Variants in HUWE1 observed in about 807,000 individuals in gnomAD.
HUWE1 encodes HECT, UBA and WWE domain containing E3 ubiquitin protein ligase 1.
Under a neutral mutation model 299.4 loss-of-function variants are expected in HUWE1, and 18 were observed. The observed-to-expected ratio is 0.06, with a 90% CI of 0.04 to 0.09. The LOEUF (loss-of-function observed/expected upper bound fraction) is 0.09. HUWE1 is among the 10% of genes least tolerant of loss of function. HUWE1 has a pLI of 1.00. For missense variants in HUWE1, 1,832 were observed against 3,462.3 expected (o/e 0.53, Z 11.82); for synonymous variants, 1,317 against 1,286.1 (o/e 1.02, Z -0.51).
intron 60 of HUWE1, among the ~76,000 whole-genome samples, chrX:53,556,802 G>A (rs2062040954): frequency 8.9e-6 from 1 of 112,280 alleles, no homozygotes; most frequent in Admixed American, 9.4e-5. Context: ...GTTTAGCCAT[G>A]TAAGAAAAAA....
intron 52 of HUWE1, 110 bp downstream of exon 52, chrX:53,563,636 C>G (rs1269529662): frequency 2.4e-6 from 2 of 848,832 alleles, no homozygotes; most frequent in South Asian, 2.1e-5. Flanking sequence ...GCGATCTAGG[C>G]TGGCTATGAG....
rs180806554 is a variant in HUWE1, at chrX:53,641,840, C to T, written c.504+3471G>A. ...AAGTCTTCCCATTTAAAAAATGTTA[C>T]TTGTCTCTATTTAGACCATCTTTTA... is the stretch of plus-strand genomic sequence containing the variant. On this transcript the variant is annotated intron_variant, in intron 7 of 83. Transcript: ENST00000262854. Among the ~76,000 whole-genome samples the T allele has an allele frequency of 3.6e-5, 4 of 111,820 alleles. No homozygotes were observed. In the Admixed American group the frequency reaches 3.8e-4, roughly 11 times the overall value.
intron 21 of HUWE1, among the ~76,000 whole-genome samples, chrX:53,616,689 T>C (rs1001685406): frequency 1.8e-5 from 2 of 111,708 alleles, no homozygotes; most frequent in South Asian, 3.8e-4. Flanking sequence ...ATATTTCTCA[T>C]TGCTGCAGAC....
At chrX:53,533,812 G>A (rs782746212) in intron 83 of HUWE1, 195 bp downstream of exon 83, 15 of 481,901 alleles carry the variant, frequency 3.1e-5, no homozygotes, top group Non-Finnish European at 5.2e-5. Flanking sequence ...TTACCTGACA[G>A]TGTCTCCCCA....
chrX:53,621,051 T>A (rs2066118661), intron 19 of HUWE1, among the ~76,000 whole-genome samples: 1 of 111,735 alleles, frequency 8.9e-6, no homozygotes, highest in Non-Finnish European at 1.9e-5. Context: ...GAAAGAAAAA[T>A]CTTAAGTTAG....
At position 53,662,026 on chromosome X, in the gene HUWE1, T is replaced by C. The variant is rs1229168432; in HGVS notation, c.-24-7895A>G. Among the ~76,000 whole-genome samples, 4 of 111,915 alleles carry C rather than the reference T, an allele frequency of 3.6e-5. No individual in the cohort carries two copies. The East Asian group carries it at 1.1e-3, about 31-fold the overall frequency. On this transcript the variant is annotated intron_variant, in intron 3 of 83. Transcript: ENST00000262854. ...GTTTAAGGGCACAGGACACCTGTAGTTCCCAAATCTGGCTCAAGAGCAGTT... is the reference window on the plus strand; with the variant it reads ...GTTTAAGGGCACAGGACACCTGTAGCTCCCAAATCTGGCTCAAGAGCAGTT...
rs1271792146 is a variant in HUWE1 at position 53,575,364 on chromosome X, A to G, written c.6031-143T>C. Reference sequence around the variant, plus strand: ...TTTAACCACCTTACACCTTTATACTATAATCTGTGGGAGGCTATTATAAAT... The same window carrying G: ...TTTAACCACCTTACACCTTTATACTGTAATCTGTGGGAGGCTATTATAAAT... On this transcript the variant is annotated intron_variant, in intron 45 of 83. Transcript: ENST00000262854. 14 of 525,381 alleles carry G rather than the reference A, an allele frequency of 2.7e-5. 1 individual carries two copies. The highest frequency in any genetic ancestry group is 4.0e-5 in the Non-Finnish European group (12 of 297,880). 43.3% of individuals were successfully genotyped at this position (525,381 alleles called of 1,213,427 possible).
chrX:53,604,577 G>A lies in HUWE1; in HGVS notation c.2742+12C>T, dbSNP rs782216940. 1.7e-6 allele frequency: 2 copies of A among 1,209,792 alleles called. No homozygotes were observed. The highest frequency in any genetic ancestry group is 5.9e-5 in the East Asian group (2 of 33,836). The stretch of plus-strand genomic sequence containing the variant: ...TTTAAATTAATATGTTCACCCCTAA[G>A]GTTATTTTTACCTGTCCAACTCTGC... On this transcript the variant is annotated intron_variant, in intron 26 of 83. Coordinates refer to ENST00000262854, the MANE Select transcript of HUWE1 (RefSeq NM_031407.7).
At chrX:53,536,341 A>T (rs782133761) in intron 79 of HUWE1, 39 bp downstream of exon 79, 32 of 1,189,450 alleles carry the variant, frequency 2.7e-5, no homozygotes, top group African/African-American at 2.5e-4. Flanking sequence ...CCAGACCCCC[A>T]GGACTGAAGA....
chrX:53,625,115 G>A, intron 18 of HUWE1, 42 bp downstream of exon 18: 1 of 829,478 alleles, frequency 1.2e-6, no homozygotes, highest in Non-Finnish European at 1.8e-6. Context: ...ATCTTTGAGA[G>A]AGTAAAATAT....
chrX:53,649,292 A>G (rs2068294825), intron 4 of HUWE1, among the ~76,000 whole-genome samples: 1 of 112,004 alleles, frequency 8.9e-6, no homozygotes, highest in African/African-American at 3.2e-5. Context: ...CCATTACAGG[A>G]GCTTAAATAT....
intron 28 of HUWE1, among the ~76,000 whole-genome samples, chrX:53,601,085 T>C (rs924465966): frequency 1.8e-5 from 2 of 112,019 alleles, no homozygotes; most frequent in Non-Finnish European, 3.8e-5. Flanking sequence ...AGCTGTCATA[T>C]GTAAGTCCTT....
chrX:53,533,902 G>A (rs781921636), intron 83 of HUWE1, 105 bp downstream of exon 83: 63 of 773,926 alleles, frequency 8.1e-5, no homozygotes, highest in Non-Finnish European at 1.1e-4. Context: ...CAAGGTCCAG[G>A]ACTCAGCCAC....
At chrX:53,638,599 T>C (rs782716776) in intron 7 of HUWE1, among the ~76,000 whole-genome samples, 4 of 112,019 alleles carry the variant, frequency 3.6e-5, no homozygotes, top group Admixed American at 9.4e-5. Flanking sequence ...CTTAATAAAA[T>C]AGACTAGGCC....
chrX:53,564,713 C>T lies in HUWE1; in HGVS notation c.6890G>A (p.Gly2297Glu), dbSNP rs1556944019. ...ATCCTCCTCCTGCACTTCTGCTTCC[C>T]CAGGCTCGCCTGAAACAATCAACCA... Reference protein sequence around the residue: ...SSNQQDPGEPGEAEVQEEDHD... With the variant: ...SSNQQDPGEPEEAEVQEEDHD... The change falls in exon 51 of 84, where the codon GGG (glycine) becomes GAG (glutamate). Residue 2297 changes from glycine (G) to glutamate (E), a missense_variant. Physicochemically the swap from Gly to Glu is moderately conservative, Grantham distance 98. Transcript: ENST00000262854. The T allele has an allele frequency of 8.3e-7, 1 of 1,210,555 alleles. No homozygotes were observed. Among genetic ancestry groups the T allele is most frequent in the African/African-American group, 1.7e-5 (1 of 57,339 alleles).
chrX:53,619,941 C>G (rs147975396), intron 19 of HUWE1, among the ~76,000 whole-genome samples: 1 of 112,016 alleles, frequency 8.9e-6, no homozygotes, highest in African/African-American at 3.3e-5. Context: ...GTCGTGCCAT[C>G]GGCATCATCA....
chrX:53,559,659 C>A, intron 56 of HUWE1, 127 bp from the exon 57 acceptor site: 1 of 597,457 alleles, frequency 1.7e-6, no homozygotes, highest in Non-Finnish European at 2.8e-6. Context: ...TGATGATGTG[C>A]ACACAAGTCT....
chrX:53,590,362 T>G, intron 35 of HUWE1, 42 bp downstream of exon 35: 1 of 848,955 alleles, frequency 1.2e-6, no homozygotes, highest in Non-Finnish European at 1.8e-6. Context: ...AATACTAAGA[T>G]TCATGTGCCA....
intron 36 of HUWE1, 84 bp from the exon 37 acceptor site, chrX:53,588,618 T>C (rs2063984591): frequency 2.2e-6 from 2 of 899,060 alleles, no homozygotes. Context: ...TTTAAAATAC[T>C]CCCTCTGCCT....
Sources: allele counts gnomAD v4.1 joint callset (sites outside exome capture counted in the v4.1 genomes callset), GRCh38; gene constraint gnomAD v4.1.1; transcripts MANE v1.5; gene names NCBI Gene and HGNC (gene_info 2026-07-23, HGNC 2026-07-21).